Variants in CD3D observed in about 807,000 individuals in gnomAD.
CD3D encodes the protein T-cell surface glycoprotein CD3 delta chain.
CD3D carries 22 observed loss-of-function variants against 22.0 expected under a neutral mutation model. The ratio of observed to expected loss-of-function variants is 1.00; its 90% confidence interval spans 0.71 to 1.43. CD3D has a LOEUF of 1.43. Among genes scored for constraint, CD3D ranks in the 40% most tolerant of loss-of-function variants. CD3D has a pLI of 0.00. For missense variants in CD3D, 205 were observed against 211.7 expected, an observed-to-expected ratio of 0.97 and a Z score of 0.20; for synonymous variants, 74 against 81.2, an observed-to-expected ratio of 0.91 and a Z score of 0.48.
At position 118,339,761 on chromosome 11, in the gene CD3D, G is replaced by T. The variant is rs887103772; in HGVS notation, c.406+14C>A. ...ACACACAAACACACTCTCATGCTCT[G>T]CTCTTCCACTAACCCCCAGACAGCC... On this transcript the variant is annotated intron_variant, in intron 3 of 4. Transcript: ENST00000300692. The T allele has an allele frequency of 3.1e-6, 5 of 1,611,366 alleles. No homozygotes were observed. In the African/African-American group the frequency reaches 6.8e-5, roughly 22 times the overall value.
In CD3D at chr11:118,342,624, T is replaced by C. The variant is rs759200533; in HGVS notation, c.-17A>G. ...ATGTTCCATCTCCCAGCGGAACTCA[T>C]CCAGTAGATAAAGCCAGGTCACCGA... is the stretch of plus-strand genomic sequence containing the variant. On this transcript the variant is annotated 5_prime_UTR_variant, in exon 1 of 5. An upstream start codon of the reference 5' UTR is lost. Coordinates refer to ENST00000300692, the MANE Select transcript of CD3D (RefSeq NM_000732.6). 1.2e-6 allele frequency: 2 copies of C among 1,612,202 alleles called. No individual in the cohort carries two copies. The highest frequency in any genetic ancestry group is 2.2e-5 in the East Asian group (1 of 44,846).
rs201021372 is a variant in CD3D at position 118,340,508 on chromosome 11, C to A, written c.141G>T (p.Thr47=). The change falls in exon 2 of 5, where the codon ACG becomes ACT. Residue 47 remains threonine (T), a synonymous_variant. Transcript: ENST00000300692. The stretch of plus-strand genomic sequence containing the variant: ...TAATGTCTGAGAGCAGTGTTCCCAC[C>A]GTTCCCTCTACCCATGTGATGCTGG... ...CNTSITWVEG[T]VGTLLSDITR... is the part of the protein sequence containing the mutation. 5 of 1,614,020 alleles carry A rather than the reference C, an allele frequency of 3.1e-6. No homozygotes were observed. The highest frequency in any genetic ancestry group is 4.2e-6 in the Non-Finnish European group (5 of 1,179,972).
chr11:118,339,010 A>T (rs1948274291), downstream of CD3D: 3 of 764,704 alleles, frequency 3.9e-6, no homozygotes, highest in Non-Finnish European at 7.3e-6. Context: ...GGAGGGCGAG[A>T]TCCCAAGCAA....
At chr11:118,339,016 A>G (rs1052172138), downstream of CD3D, 11 of 779,634 alleles carry the variant, frequency 1.4e-5, no homozygotes, top group Admixed American at 5.2e-5. Flanking sequence ...CGAGATCCCA[A>G]GCAAGTCAGG....
Position 118,340,455 on chromosome 11 carries a change from A to C in CD3D, c.194T>G (p.Leu65Arg), listed in dbSNP as rs1386584482. Reference sequence around the variant, plus strand: ...ACACCTATATATTCCTCGTGGGTCCAGGATGCGTTTTCCCAGGTCCAGTCT... The same window carrying C: ...ACACCTATATATTCCTCGTGGGTCCCGGATGCGTTTTCCCAGGTCCAGTCT... ...ITRLDLGKRI[L>R]DPRGIYRCNG... is the part of the protein sequence containing the mutation. Residue 65 changes from leucine (L) to arginine (R), a missense_variant, in exon 2 of 5, where the codon CTG becomes CGG. Physicochemically the swap from Leu to Arg is moderately radical, Grantham distance 102. Coordinates refer to ENST00000300692, the MANE Select transcript of CD3D (RefSeq NM_000732.6). 1 of 1,614,166 alleles carries C rather than the reference A, an allele frequency of 6.2e-7. No homozygotes were observed. The highest frequency in any genetic ancestry group is 1.7e-5 in the Admixed American group (1 of 60,028).
rs199969175 is a variant in CD3D at position 118,340,582 on chromosome 11, T to G, written c.67A>C (p.Lys23Gln). 1.5e-5 allele frequency: 24 copies of G among 1,613,148 alleles called. No homozygotes were observed. The highest frequency in any genetic ancestry group is 1.9e-5 in the Non-Finnish European group (22 of 1,179,318). The change falls in exon 2 of 5, where the codon AAG becomes CAG. Residue 23 changes from lysine (K) to glutamine (Q), a missense_variant. Physicochemically the swap from Lys to Gln is moderately conservative, Grantham distance 53. Transcript: ENST00000300692. ...ATLLSQVSPF[K>Q]IPIEELEDRV... ...TCCTCAAGTTCCTCTATAGGTATCT[T>G]GAAGGGGCTCACTAAAGGGGAAAAA... is the stretch of plus-strand genomic sequence containing the variant.
At position 118,339,906 on chromosome 11, in the gene CD3D, A is replaced by G. The variant is rs201266811; in HGVS notation, c.275T>C (p.Met92Thr). The change falls in exon 3 of 5, where the codon ATG (methionine) becomes ACG (threonine). Residue 92 changes from methionine (M) to threonine (T), a missense_variant and splice_region_variant. By Grantham distance (81) the Met-to-Thr change is moderately conservative. Coordinates refer to ENST00000300692, the MANE Select transcript of CD3D (RefSeq NM_000732.6). ...ATCCAGCTCCACACAGCTCTGGCACACTGTGGGGGAAGGGAGGAGAGAGGA... is the reference window on the plus strand; with the variant it reads ...ATCCAGCTCCACACAGCTCTGGCACGCTGTGGGGGAAGGGAGGAGAGAGGA... ...KESTVQVHYR[M>T]CQSCVELDPA... 6 of 1,614,008 alleles carry G rather than the reference A, an allele frequency of 3.7e-6. No homozygotes were observed. Among genetic ancestry groups the G allele is most frequent in the Non-Finnish European group, 5.1e-6 (6 of 1,179,996 alleles).
intron 1 of CD3D, among the ~76,000 whole-genome samples, chr11:118,341,238 G>A (rs1028840641): frequency 1.3e-5 from 2 of 152,186 alleles, no homozygotes; most frequent in Admixed American, 6.5e-5. Flanking sequence ...TCCACCCTTG[G>A]TTAGAAGGAG....
At position 118,342,703 on chromosome 11, in the gene CD3D, A is replaced by G. The variant is rs200673153; in HGVS notation, c.-96T>C. On this transcript the variant is annotated 5_prime_UTR_variant, in exon 1 of 5. Coordinates refer to ENST00000300692, the MANE Select transcript of CD3D (RefSeq NM_000732.6). ...CCCTAGCTGACTCACAGGTACCGGA[A>G]AGAGGAGAGTGGGGGAGGAACTAGA... 9.8e-6 allele frequency: 10 copies of G among 1,022,738 alleles called. No individual in the cohort carries two copies. Among genetic ancestry groups the G allele is most frequent in the Non-Finnish European group, 1.4e-5 (9 of 647,506 alleles). 63.4% of individuals were successfully genotyped at this position (1,022,738 alleles called of 1,614,324 possible). A position where few individuals can be genotyped will look rare whatever the true frequency, so the allele number is the denominator to read the frequency against.
downstream of CD3D, chr11:118,339,062 C>T (rs1948274620): frequency 7.2e-6 from 8 of 1,105,274 alleles, no homozygotes; most frequent in Non-Finnish European, 1.1e-5. Flanking sequence ...CCTTAAGAAG[C>T]CCAGGCACCT....
At chr11:118,340,941 G>A (rs1356583823) in intron 1 of CD3D, 2 of 532,674 alleles carry the variant, frequency 3.8e-6, no homozygotes, top group East Asian at 4.9e-5. Context: ...CCTGGAAGAT[G>A]TGGAAAGACA....
chr11:118,339,004 G>A (rs2134058327), downstream of CD3D: 1 of 747,534 alleles, frequency 1.3e-6, no homozygotes, highest in Middle Eastern at 2.7e-4. Flanking sequence ...TAGGTAGGAG[G>A]GCGAGATCCC....
chr11:118,339,626 T>A, intron 3 of CD3D, 132 bp from the exon 4 acceptor site: 6 of 1,552,824 alleles, frequency 3.9e-6, no homozygotes, highest in Non-Finnish European at 5.3e-6. Flanking sequence ...TCTAGGAGTC[T>A]TTAGGAGATT....
intron 2 of CD3D, among the ~76,000 whole-genome samples, 166 bp downstream of exon 2, chr11:118,340,209 C>T (rs1313561988): frequency 6.6e-6 from 1 of 152,142 alleles, no homozygotes; most frequent in Admixed American, 6.5e-5. Flanking sequence ...CTGAGTTAAG[C>T]TCTCTCTTCC....
At position 118,339,090 on chromosome 11, in the gene CD3D, A is replaced by C; in HGVS notation, c.*72T>G. ...AGGCACCTGCTGAGTGAAAGAGGAT[A>C]TATTTATTGGCTGAGCAAGAAGGGA... On this transcript the variant is annotated 3_prime_UTR_variant, in exon 5 of 5. Coordinates refer to ENST00000300692, the MANE Select transcript of CD3D (RefSeq NM_000732.6). The C allele has an allele frequency of 7.7e-7, 1 of 1,297,696 alleles. No individual in the cohort carries two copies. The highest frequency in any genetic ancestry group is 1.1e-6 in the Non-Finnish European group (1 of 891,444). The allele number at this position is 1,297,696 out of a possible 1,614,324, so 80.4% of individuals were successfully genotyped here.
chr11:118,340,058 C>T, intron 2 of CD3D, 152 bp from the exon 3 acceptor site: 3 of 886,066 alleles, frequency 3.4e-6, no homozygotes, highest in African/African-American at 1.7e-5. Context: ...GCTTGCCACA[C>T]CTTCCTCCAC....
chr11:118,339,952 T>C (rs776683270), intron 2 of CD3D, 46 bp from the exon 3 acceptor site: 10 of 1,612,230 alleles, frequency 6.2e-6, no homozygotes, highest in Admixed American at 1.7e-5. Context: ...GCCTTTAAGA[T>C]CAGGGAACCA....
intron 4 of CD3D, 86 bp from the exon 5 acceptor site, chr11:118,339,313 C>T: frequency 6.7e-7 from 1 of 1,492,966 alleles, no homozygotes; most frequent in South Asian, 1.1e-5. Context: ...GATGAGAGCT[C>T]CTGCCTGACC....
intron 3 of CD3D, 82 bp downstream of exon 3, chr11:118,339,693 T>C: frequency 6.3e-7 from 1 of 1,589,096 alleles, no homozygotes; most frequent in South Asian, 1.1e-5. Flanking sequence ...CCTTAGCTGG[T>C]GCATAAGCTC....
Sources: allele counts gnomAD v4.1 joint callset (sites outside exome capture counted in the v4.1 genomes callset), GRCh38; gene constraint gnomAD v4.1.1; transcripts MANE v1.5; gene names NCBI Gene and HGNC (gene_info 2026-07-23, HGNC 2026-07-21).